The following C10orf105 variants were observed in gnomAD, a reference collection of about 807,000 sequenced individuals.
C10orf105 encodes uncharacterized protein C10orf105.
C10orf105 carries 2 observed loss-of-function variants against 0.6 expected under a neutral mutation model. The ratio of observed to expected loss-of-function variants is 3.18; its 90% CI spans 1.30 to 10.01. C10orf105 has a LOEUF of 10.01. C10orf105 is among the 30% of genes most tolerant of loss of function. The probability of loss-of-function intolerance (pLI) is 0.04; values close to 1 mark genes in which losing one functional copy is unlikely to be tolerated. For missense variants in C10orf105, 209 were observed against 191.4 expected (o/e 1.09, Z -0.54); for synonymous variants, 95 against 82.4 (o/e 1.15, Z -0.83).
At chr10:71,731,157 C>T (rs1041312365) in intron 1 of C10orf105, among the ~76,000 whole-genome samples, 3 of 152,152 alleles carry the variant, frequency 2.0e-5, no homozygotes, top group South Asian at 4.1e-4. Flanking sequence ...GGAAGCATGC[C>T]GGGTCTCTGT....
At chr10:71,723,913 G>A, upstream of C10orf105, 1 of 986,120 alleles carries the variant, frequency 1.0e-6, no homozygotes, top group East Asian at 2.6e-5. Context: ...CACACCCCCA[G>A]CCTCTGAGGG....
upstream of C10orf105, among the ~76,000 whole-genome samples, chr10:71,720,905 G>A (rs968025170): frequency 6.6e-6 from 1 of 152,188 alleles, no homozygotes; most frequent in South Asian, 2.1e-4. Context: ...GGGTGGGCAG[G>A]GGCAGGCAGT....
chr10:71,734,352 C>T (rs982699079), intron 1 of C10orf105: 1 of 1,598,960 alleles, frequency 6.3e-7, no homozygotes, highest in Non-Finnish European at 8.5e-7. Flanking sequence ...GTGAGTGGGA[C>T]CAGGGTGAGA....
At chr10:71,728,191 C>A (rs1430734379) in intron 1 of C10orf105, among the ~76,000 whole-genome samples, 9 of 152,076 alleles carry the variant, frequency 5.9e-5, no homozygotes, top group Non-Finnish European at 1.2e-4. Context: ...ATGCAAACTC[C>A]CCCCCGCACC....
Position 71,716,511 on chromosome 10 carries a change from T to G in C10orf105, c.-5-169A>C, listed in dbSNP as rs1379874958. The G allele has an allele frequency of 2.0e-5, 11 of 561,232 alleles. No individual in the cohort carries two copies. The Admixed American group carries it at 3.2e-4, about 17-fold the overall frequency. The allele number at this position is 561,232 out of a possible 1,614,324, so 34.8% of individuals were successfully genotyped here. A position where few individuals can be genotyped will look rare whatever the true frequency, so the allele number is the denominator to read the frequency against. On this transcript the variant is annotated intron_variant, in intron 1 of 1. Transcript: ENST00000441508. Reference sequence around the variant, plus strand: ...CAGCAAGGTCCAGAGACATCACAAGTCTAAGTGTACACACAGCTGAGCAGT... The same window carrying G: ...CAGCAAGGTCCAGAGACATCACAAGGCTAAGTGTACACACAGCTGAGCAGT...
chr10:71,732,122 C>G, intron 1 of C10orf105: 1 of 1,614,008 alleles, frequency 6.2e-7, no homozygotes, highest in South Asian at 1.1e-5. Context: ...ATGAATGTGT[C>G]GGCCACTGAC....
chr10:71,726,830 G>A (rs1342734145), intron 1 of C10orf105, among the ~76,000 whole-genome samples: 2 of 152,174 alleles, frequency 1.3e-5, no homozygotes, highest in East Asian at 1.9e-4. Context: ...CTCGCTCCCC[G>A]CTCCCTCACC....
At position 71,716,073 on chromosome 10, in the gene C10orf105, G is replaced by A. The variant is rs1866212100; in HGVS notation, c.265C>T (p.Leu89Phe). ...PGSPSEPQLRLWKRLGSLRLS... is the reference protein window; with the variant it reads ...PGSPSEPQLRFWKRLGSLRLS... The stretch of plus-strand genomic sequence containing the variant: ...CGCAAGGAGCCCAGGCGCTTCCAGA[G>A]CCGGAGCTGGGGCTCACTGGGGCTC... Residue 89 changes from leucine to phenylalanine, a missense_variant, in exon 2 of 2, where the codon CTC becomes TTC. Transcript: ENST00000441508. 1 of 1,518,850 alleles carries A rather than the reference G, an allele frequency of 6.6e-7. No homozygotes were observed. Among genetic ancestry groups the A allele is most frequent in the Non-Finnish European group, 8.9e-7 (1 of 1,128,910 alleles). The allele number at this position is 1,518,850 out of a possible 1,614,324, so 94.1% of individuals were successfully genotyped here. A position where few individuals can be genotyped will look rare whatever the true frequency, so the allele number is the denominator to read the frequency against.
chr10:71,715,389 C>T lies in C10orf105; in HGVS notation c.*547G>A, dbSNP rs577457450. ...TCCACCAGGAGGGAGGCAGCTGCTC[C>T]CACAGGGCACCAGGCAGATGCTGGC... On this transcript the variant is annotated 3_prime_UTR_variant, in exon 2 of 2. Transcript: ENST00000441508. 2.0e-5 allele frequency: 3 copies of T among 152,458 alleles called. No homozygotes were observed. The highest frequency in any genetic ancestry group is 4.4e-5 in the Non-Finnish European group (3 of 68,142). The allele number at this position is 152,458 out of a possible 1,614,324, so 9.4% of individuals were successfully genotyped here.
Position 71,712,233 on chromosome 10 carries a change from C to T in C10orf105, c.*3703G>A, listed in dbSNP as rs1296842673. The T allele has an allele frequency of 6.1e-6, 1 of 164,250 alleles. No homozygotes were observed. The highest frequency in any genetic ancestry group is 1.6e-4 in the East Asian group (1 of 6,084). 10.2% of individuals were successfully genotyped at this position (164,250 alleles called of 1,614,324 possible). On this transcript the variant is annotated 3_prime_UTR_variant, in exon 2 of 2. Coordinates refer to ENST00000441508, the MANE Select transcript of C10orf105 (RefSeq NM_001164375.3). ...TTGGGTTTATGGGCCACCCAGCTCA[C>T]CCAGGATGATCACTTCTCAAGATCC...
At chr10:71,727,817 C>T (rs1202823487) in intron 1 of C10orf105, among the ~76,000 whole-genome samples, 1 of 152,242 alleles carries the variant, frequency 6.6e-6, no homozygotes, top group African/African-American at 2.4e-5. Context: ...AGGTCTGGTT[C>T]TCCAGGAAGC....
rs181249218 is a variant in C10orf105 at position 71,715,684 on chromosome 10, G to A, written c.*252C>T. 910 of 359,522 alleles carry A rather than the reference G, an allele frequency of 2.5e-3. 3 individuals carry two copies. Among genetic ancestry groups the A allele is most frequent in the Middle Eastern group, 6.4e-3 (9 of 1,400 alleles). 22.3% of individuals were successfully genotyped at this position (359,522 alleles called of 1,614,324 possible). On this transcript the variant is annotated 3_prime_UTR_variant, in exon 2 of 2. Coordinates refer to ENST00000441508, the MANE Select transcript of C10orf105 (RefSeq NM_001164375.3). ...TCAGGCCAAAGGCCCAGATGACCAC[G>A]AGTGCACATCTCTTGACCAGAAGTC...
At chr10:71,732,733 A>G in intron 1 of C10orf105, 1 of 1,161,004 alleles carries the variant, frequency 8.6e-7, no homozygotes, top group Non-Finnish European at 1.1e-6. Context: ...GCAGGCTGGT[A>G]TCCTTCTGTT....
At chr10:71,717,193 A>G (rs922279170) in intron 1 of C10orf105, 1 of 152,244 alleles carries the variant, frequency 6.6e-6, no homozygotes, top group Non-Finnish European at 1.5e-5. Context: ...GACAAGCCAG[A>G]GCTCACTCCT....
rs563528195 is a variant in C10orf105, at chr10:71,730,705, C to T, written c.-6+7023G>A. On this transcript the variant is annotated intron_variant, in intron 1 of 1. Transcript: ENST00000398786. The stretch of plus-strand genomic sequence containing the variant: ...AAACGGTCATCCCTGATGCTTCAGG[C>T]TCCCCATTTAGCCATGTCTAGGCCA... 60 of 1,516,988 alleles carry T rather than the reference C, an allele frequency of 4.0e-5. 2 individuals carry two copies. In the South Asian group the frequency reaches 6.3e-4, roughly 16 times the overall value. The allele number at this position is 1,516,988 out of a possible 1,614,324, so 94.0% of individuals were successfully genotyped here.
In C10orf105 at chr10:71,715,995, G is replaced by A. The variant is rs752550607; in HGVS notation, c.343C>T (p.Leu115=). 191 of 1,498,018 alleles carry A rather than the reference G, an allele frequency of 1.3e-4. No individual in the cohort carries two copies. The highest frequency in any genetic ancestry group is 1.5e-4 in the Non-Finnish European group (171 of 1,123,202). 92.8% of individuals were successfully genotyped at this position (1,498,018 alleles called of 1,614,324 possible). The change falls in exon 2 of 2, where the codon CTG becomes TTG. Residue 115 remains leucine, a synonymous_variant. Coordinates refer to ENST00000441508, the MANE Select transcript of C10orf105 (RefSeq NM_001164375.3). ...CTGCGGTTGTCCTCGGGGCCCGGCA[G>A]GGGCTGTCGAGGGACGGTGGGCCGG... ...HGRPTVPRQP[L]PGPEDNRSHC...
At position 71,712,372 on chromosome 10, in the gene C10orf105, G is replaced by GT. The variant is rs1866007333; in HGVS notation, c.*3563dup. The GT allele has an allele frequency of 6.1e-6, 2 of 328,692 alleles. No individual in the cohort carries two copies. The highest frequency in any genetic ancestry group is 1.0e-4 in the East Asian group (2 of 19,514). 20.4% of individuals were successfully genotyped at this position (328,692 alleles called of 1,614,324 possible). ...GGGAGCCATCATTCAATCCACTTGA[G>GT]TGCCTCAGTTACCTCCTCTGTAAAA... is the stretch of plus-strand genomic sequence containing the variant. On this transcript the variant is annotated 3_prime_UTR_variant, in exon 2 of 2. Coordinates refer to ENST00000441508, the MANE Select transcript of C10orf105 (RefSeq NM_001164375.3).
chr10:71,725,260 C>A, intron 1 of C10orf105: 1 of 1,528,320 alleles, frequency 6.5e-7, no homozygotes, highest in Non-Finnish European at 9.1e-7. Context: ...AGACCCGCAG[C>A]CTCCTCACAA....
chr10:71,737,453 A>G (rs993334670), intron 1 of C10orf105, among the ~76,000 whole-genome samples: 15 of 152,234 alleles, frequency 9.9e-5, no homozygotes, highest in African/African-American at 2.9e-4. Context: ...AGAGCTGCCT[A>G]CAGATAGGGG....
Sources: allele counts gnomAD v4.1 joint callset (sites outside exome capture counted in the v4.1 genomes callset), GRCh38; gene constraint gnomAD v4.1.1; transcripts MANE v1.5; gene names NCBI Gene and HGNC (gene_info 2026-07-23, HGNC 2026-07-21).